The following C7orf78 variants were observed in gnomAD, a reference collection of about 807,000 sequenced individuals.
C7orf78 encodes the protein putative uncharacterized protein C7orf78.
chr7:12,494,006 T>C, the C7orf78 span, among the ~76,000 whole-genome samples: 14 of 152,128 alleles, frequency 9.2e-5, no homozygotes, highest in Non-Finnish European at 4.4e-5. Context: ...GAATGGTAAA[T>C]AGGGTTAGTA....
the C7orf78 span, chr7:12,504,270 C>T: frequency 2.0e-5 from 3 of 152,110 alleles, no homozygotes; most frequent in Admixed American, 6.6e-5. Flanking sequence ...TGATTTTCAA[C>T]CTTTGGAAAT....
At chr7:12,518,002 T>C in the C7orf78 span, among the ~76,000 whole-genome samples, 1 of 152,228 alleles carries the variant, frequency 6.6e-6, no homozygotes, top group Non-Finnish European at 1.5e-5. Flanking sequence ...ATGTCTTCTT[T>C]GAATTTTTTG....
the C7orf78 span, among the ~76,000 whole-genome samples, chr7:12,490,016 T>C: frequency 1.3e-5 from 2 of 152,170 alleles, no homozygotes; most frequent in Non-Finnish European, 2.9e-5. Context: ...CACAATCTTA[T>C]ATTTAGCCTT....
the C7orf78 span, among the ~76,000 whole-genome samples, chr7:12,505,521 C>G: frequency 3.9e-5 from 6 of 152,246 alleles, no homozygotes; most frequent in African/African-American, 1.4e-4. Context: ...AGCATTTAAA[C>G]TGATCCTTGA....
chr7:12,513,214 TTCTG>T, the C7orf78 span, among the ~76,000 whole-genome samples: 4 of 151,864 alleles, frequency 2.6e-5, no homozygotes, highest in Non-Finnish European at 5.9e-5. Context: ...TCTTTCTTTC[TTCTG>T]TCTTTCTCTC....
the C7orf78 span, chr7:12,491,570 G>C: frequency 1.3e-5 from 2 of 152,144 alleles, no homozygotes; most frequent in African/African-American, 4.8e-5. Context: ...AAATGTGGAA[G>C]AGGATGCCCT....
At chr7:12,498,593 C>A in the C7orf78 span, among the ~76,000 whole-genome samples, 1 of 152,034 alleles carries the variant, frequency 6.6e-6, no homozygotes, top group Non-Finnish European at 1.5e-5. Flanking sequence ...GTGAAAAGAC[C>A]AAATCTACGT....
the C7orf78 span, among the ~76,000 whole-genome samples, chr7:12,488,170 T>A: frequency 6.6e-6 from 1 of 152,078 alleles, no homozygotes; most frequent in South Asian, 2.1e-4. Flanking sequence ...TATGTTTCTT[T>A]AAAAAGAAAT....
chr7:12,487,002 A>C, the C7orf78 span: 1 of 151,902 alleles, frequency 6.6e-6, no homozygotes, highest in East Asian at 1.9e-4. Context: ...TATCTCTAAG[A>C]AGTATCCATT....
chr7:12,496,938 G>A, the C7orf78 span, among the ~76,000 whole-genome samples: 1 of 151,948 alleles, frequency 6.6e-6, no homozygotes, highest in Non-Finnish European at 1.5e-5. Flanking sequence ...AAATAATACA[G>A]AAAAAATTTT....
the C7orf78 span, chr7:12,507,161 G>T: frequency 1.4e-5 from 3 of 214,112 alleles, no homozygotes; most frequent in Admixed American, 6.5e-5. Flanking sequence ...AAAAAAAAAA[G>T]CTGGGCATGG....
At chr7:12,518,343 C>T in the C7orf78 span, among the ~76,000 whole-genome samples, 1 of 152,140 alleles carries the variant, frequency 6.6e-6, no homozygotes, top group Non-Finnish European at 1.5e-5. Flanking sequence ...AATTATCAGG[C>T]CTCCACATGT....
the C7orf78 span, among the ~76,000 whole-genome samples, chr7:12,507,936 G>A: frequency 6.6e-6 from 1 of 152,136 alleles, no homozygotes; most frequent in South Asian, 2.1e-4. Flanking sequence ...TTTTGTGGAA[G>A]TTAAGCATTT....
At chr7:12,484,138 T>C in the C7orf78 span, 1 of 152,214 alleles carries the variant, frequency 6.6e-6, no homozygotes, top group Admixed American at 6.5e-5. Flanking sequence ...AAACACTGTA[T>C]GTTTATTCAA....
the C7orf78 span, among the ~76,000 whole-genome samples, chr7:12,526,660 A>G: frequency 6.6e-6 from 1 of 152,210 alleles, no homozygotes; most frequent in Admixed American, 6.5e-5. Context: ...TGTTATACTT[A>G]TAAAAGTGTC....
At chr7:12,491,929 G>A in the C7orf78 span, 6 of 152,198 alleles carry the variant, frequency 3.9e-5, no homozygotes, top group Admixed American at 2.6e-4. Flanking sequence ...CTGGCCACTC[G>A]GTTATAATAA....
At chr7:12,514,665 G>A in the C7orf78 span, among the ~76,000 whole-genome samples, 3 of 151,730 alleles carry the variant, frequency 2.0e-5, no homozygotes, top group Non-Finnish European at 4.4e-5. Flanking sequence ...GTAGTTTTCT[G>A]TTGTGGTACT....
the C7orf78 span, chr7:12,525,687 T>G: frequency 1.0e-5 from 4 of 381,944 alleles, no homozygotes. Context: ...AATGCTACAT[T>G]TGAATGCCAC....
the C7orf78 span, among the ~76,000 whole-genome samples, chr7:12,513,141 A>G: frequency 2.7e-5 from 4 of 150,560 alleles, no homozygotes; most frequent in Admixed American, 6.6e-5. Flanking sequence ...GATTCTCTGT[A>G]TTTCTTTTAG....
Sources: gnomAD v4.1 joint callset for allele counts (sites outside exome capture counted in the v4.1 genomes callset) on GRCh38, gnomAD v4.1.1 for gene constraint, MANE v1.5 for transcripts, NCBI Gene and HGNC (gene_info 2026-07-23, HGNC 2026-07-21) for gene names.